Variants in KANK1 observed in about 807,000 individuals in gnomAD.
The protein encoded by KANK1 is KN motif and ankyrin repeat domains 1.
A neutral mutation model predicts 106.2 loss-of-function variants in KANK1; 109 were observed. That is an observed-to-expected ratio of 1.03 (90% confidence interval 0.88 to 1.20). The LOEUF (loss-of-function observed/expected upper bound fraction) is 1.20, where lower values mean the gene tolerates loss of function less well. KANK1 is among the 50% of genes most tolerant of loss of function. KANK1 has a pLI of 0.00. For synonymous variants in KANK1, 873 were observed against 652.2 expected (o/e 1.34, Z -5.16); for missense variants, 2,399 against 1,710.7 (o/e 1.40, Z -7.10).
intron 3 of KANK1, among the ~76,000 whole-genome samples, chr9:473,482 C>G (rs1015922699): frequency 6.6e-6 from 1 of 152,182 alleles, no homozygotes; most frequent in Non-Finnish European, 1.5e-5. Context: ...CATCACAGCT[C>G]TGTGATCATC....
At chr9:614,856 A>T (rs558393448) in intron 1 of KANK1, among the ~76,000 whole-genome samples, 37 of 152,266 alleles carry the variant, frequency 2.4e-4, no homozygotes, top group Middle Eastern at 3.4e-3. Flanking sequence ...ACTTCTGCTC[A>T]TTCATATTTA....
chr9:745,073 T>A, intron 11 of KANK1, 100 bp from the exon 12 acceptor site: 1 of 1,544,756 alleles, frequency 6.5e-7, no homozygotes, highest in Non-Finnish European at 8.7e-7. Context: ...GGCTCACAGC[T>A]GCTTGTTGCC....
intron 11 of KANK1, 24 bp downstream of exon 11, chr9:744,613 T>A (rs1836711593): frequency 6.2e-7 from 1 of 1,614,142 alleles, no homozygotes; most frequent in East Asian, 2.2e-5. Context: ...ATTTGGCATT[T>A]GTAAATAGGC....
intron 1 of KANK1, among the ~76,000 whole-genome samples, chr9:648,261 C>T (rs770976595): frequency 6.6e-6 from 1 of 151,958 alleles, no homozygotes; most frequent in Non-Finnish European, 1.5e-5. Context: ...CCCAGCCTCC[C>T]AAAGTGCTGA....
intron 3 of KANK1, among the ~76,000 whole-genome samples, chr9:714,518 C>T (rs571010728): frequency 7.9e-5 from 12 of 152,022 alleles, no homozygotes; most frequent in Admixed American, 1.3e-4. Context: ...CACCACTATG[C>T]CCAGCCACTT....
At chr9:550,193 A>G (rs921427314) in intron 1 of KANK1, among the ~76,000 whole-genome samples, 1 of 151,054 alleles carries the variant, frequency 6.6e-6, no homozygotes, top group Non-Finnish European at 1.5e-5. Flanking sequence ...AGGTTCCCCC[A>G]CCCCAACCGC....
intron 1 of KANK1, among the ~76,000 whole-genome samples, chr9:624,085 G>T (rs918949662): frequency 1.3e-5 from 2 of 152,164 alleles, no homozygotes; most frequent in Non-Finnish European, 2.9e-5. Context: ...GCAACAACAT[G>T]GATGAACCTG....
chr9:552,115 A>G (rs928782122), intron 1 of KANK1, among the ~76,000 whole-genome samples: 1 of 152,158 alleles, frequency 6.6e-6, no homozygotes, highest in Non-Finnish European at 1.5e-5. Flanking sequence ...CAAGTACGGC[A>G]TTCTTGAGAA....
intron 1 of KANK1, among the ~76,000 whole-genome samples, chr9:555,916 A>G (rs1055856258): frequency 1.3e-5 from 2 of 152,240 alleles, no homozygotes; most frequent in Admixed American, 1.3e-4. Flanking sequence ...ATGATGTTAT[A>G]ATAACATCAT....
chr9:517,900 G>A (rs1377996306), intron 1 of KANK1, among the ~76,000 whole-genome samples: 3 of 151,202 alleles, frequency 2.0e-5, no homozygotes, highest in Non-Finnish European at 4.4e-5. Context: ...ACCATGCCTC[G>A]CTAATTTTTG....
intron 1 of KANK1, among the ~76,000 whole-genome samples, chr9:508,972 T>A (rs184466286): frequency 5.9e-4 from 90 of 152,352 alleles, no homozygotes; most frequent in African/African-American, 2.1e-3. Context: ...GGTACAGTCA[T>A]GCGGATTTCT....
At chr9:742,116 C>T (rs1328880198) in intron 9 of KANK1, 89 bp from the exon 10 acceptor site, 28 of 1,124,102 alleles carry the variant, frequency 2.5e-5, no homozygotes, top group Non-Finnish European at 3.4e-5. Flanking sequence ...TCACCACACT[C>T]TTCCCCCTTT....
chr9:495,170 C>T (rs564499785), intron 3 of KANK1: 5 of 152,312 alleles, frequency 3.3e-5, no homozygotes, highest in Non-Finnish European at 7.3e-5. Context: ...AGCAGAATTT[C>T]GGAGAAGGTC....
chr9:724,777 G>A (rs1156790021), intron 3 of KANK1, among the ~76,000 whole-genome samples: 1 of 151,886 alleles, frequency 6.6e-6, no homozygotes, highest in Non-Finnish European at 1.5e-5. Context: ...ATTCCAGGCT[G>A]GGCGACAGAG....
intron 1 of KANK1, among the ~76,000 whole-genome samples, chr9:570,881 CTT>C (rs1029333330): frequency 6.6e-6 from 1 of 152,052 alleles, no homozygotes; most frequent in African/African-American, 2.4e-5. Context: ...AAGTTTTTGA[CTT>C]TTTGCTATTA....
intron 1 of KANK1, among the ~76,000 whole-genome samples, chr9:666,266 T>C (rs781552566): frequency 2.6e-5 from 4 of 152,210 alleles, no homozygotes; most frequent in Non-Finnish European, 5.9e-5. Context: ...TTCAGATTGT[T>C]CACTATTGGT....
intron 1 of KANK1, among the ~76,000 whole-genome samples, chr9:533,843 T>C (rs559236776): frequency 6.6e-6 from 1 of 152,338 alleles, no homozygotes; most frequent in Non-Finnish European, 1.5e-5. Context: ...GTTCATTATG[T>C]AGTTGCCTCT....
At chr9:610,489 A>C (rs560486541) in intron 1 of KANK1, among the ~76,000 whole-genome samples, 3 of 152,300 alleles carry the variant, frequency 2.0e-5, no homozygotes, top group Admixed American at 1.3e-4. Flanking sequence ...GAATCCTGAC[A>C]GTTCCCTCTG....
chr9:637,413 A>G (rs567505292), intron 1 of KANK1, among the ~76,000 whole-genome samples: 1 of 152,188 alleles, frequency 6.6e-6, no homozygotes, highest in African/African-American at 2.4e-5. Context: ...GTGACTAATG[A>G]TGACTGATAG....
Sources: gnomAD v4.1 joint callset for allele counts (sites outside exome capture counted in the v4.1 genomes callset) on GRCh38, gnomAD v4.1.1 for gene constraint, MANE v1.5 for transcripts, NCBI Gene and HGNC (gene_info 2026-07-23, HGNC 2026-07-21) for gene names.